The following GALNT13 variants were observed in gnomAD, a reference collection of about 807,000 sequenced individuals.
GALNT13 encodes the protein UDP-GalNAc:polypeptide N-acetylgalactosaminyltransferase 13.
Under a neutral mutation model 64.2 loss-of-function variants are expected in GALNT13, and 28 were observed. The ratio of observed to expected loss-of-function variants is 0.44; its 90% CI spans 0.32 to 0.60. GALNT13 has a LOEUF of 0.60. Ranked by LOEUF, GALNT13 falls within the 20% of genes least tolerant of loss-of-function variation. The pLI, the probability that GALNT13 is intolerant of heterozygous loss-of-function variation, is 0.05. For missense variants in GALNT13, 577 were observed against 669.8 expected, an observed-to-expected ratio of 0.86 and a Z score of 1.53; for synonymous variants, 214 against 224.6, an observed-to-expected ratio of 0.95 and a Z score of 0.42.
chr2:154,372,904 A>G (rs1472431626), intron 9 of GALNT13, among the ~76,000 whole-genome samples: 1 of 152,074 alleles, frequency 6.6e-6, no homozygotes, highest in Non-Finnish European at 1.5e-5. Context: ...CCTTTTCAAT[A>G]TGATAATTTT....
At chr2:153,072,725 T>G in the GALNT13 span, among the ~76,000 whole-genome samples, 1 of 152,198 alleles carries the variant, frequency 6.6e-6, no homozygotes, top group Non-Finnish European at 1.5e-5. Flanking sequence ...TAAATATACA[T>G]TGCTAGGGCT....
chr2:153,323,640 C>T, the GALNT13 span, among the ~76,000 whole-genome samples: 1,372 of 152,134 alleles, frequency 9.0e-3, 25 homozygotes, highest in East Asian at 0.084. Context: ...TTTAAGTCTT[C>T]AATCCATCTT....
At chr2:153,382,368 A>G in the GALNT13 span, among the ~76,000 whole-genome samples, 3 of 151,960 alleles carry the variant, frequency 2.0e-5, no homozygotes, top group African/African-American at 7.2e-5. Context: ...TATTGTTGCC[A>G]TCTTTATGTT....
In GALNT13 at chr2:154,388,548, A is replaced by G. The variant is rs571604011; in HGVS notation, c.1157-7443A>G. Among the ~76,000 whole-genome samples, 3 of 152,144 alleles carry G rather than the reference A, an allele frequency of 2.0e-5. No homozygotes were observed. The East Asian group carries it at 5.8e-4, about 29-fold the overall frequency. On this transcript the variant is annotated intron_variant, in intron 9 of 12. Coordinates refer to ENST00000392825, the MANE Select transcript of GALNT13 (RefSeq NM_052917.4). ...AAATTTAAAATTTTAATCCATTTTG[A>G]TTTGATTTTTATATTTGGTATAAGA...
the GALNT13 span, among the ~76,000 whole-genome samples, chr2:153,836,463 C>A: frequency 6.6e-6 from 1 of 151,600 alleles, no homozygotes; most frequent in African/African-American, 2.4e-5. Flanking sequence ...CAGAAATTCT[C>A]TTATTTCCTC....
chr2:153,246,363 T>C, the GALNT13 span, among the ~76,000 whole-genome samples: 1 of 151,834 alleles, frequency 6.6e-6, no homozygotes, highest in Non-Finnish European at 1.5e-5. Context: ...TCTGAAAGGG[T>C]GAAACAAACG....
upstream of GALNT13, among the ~76,000 whole-genome samples, chr2:153,867,560 G>T (rs920596710): frequency 5.3e-5 from 8 of 152,072 alleles, no homozygotes; most frequent in Admixed American, 1.3e-4. Flanking sequence ...GACTGGGAGA[G>T]GGGATGGTTT....
At chr2:154,005,418 CT>C (rs1418826494) in intron 3 of GALNT13, among the ~76,000 whole-genome samples, 1 of 151,944 alleles carries the variant, frequency 6.6e-6, no homozygotes, top group Non-Finnish European at 1.5e-5. Context: ...TTTTAAATAC[CT>C]TAAAAAATTC....
At chr2:153,178,744 T>G in the GALNT13 span, among the ~76,000 whole-genome samples, 7 of 145,496 alleles carry the variant, frequency 4.8e-5, no homozygotes, top group Non-Finnish European at 1.1e-4. Context: ...TTTTTTTTTT[T>G]TTTTTTTTTG....
intron 11 of GALNT13, among the ~76,000 whole-genome samples, chr2:154,417,804 G>A (rs1159315330): frequency 1.3e-5 from 2 of 151,914 alleles, no homozygotes; most frequent in Non-Finnish European, 2.9e-5. Flanking sequence ...GAGCCACCGC[G>A]CCCGGCCACT....
chr2:154,023,264 G>C (rs9713928), intron 3 of GALNT13, among the ~76,000 whole-genome samples: 1 of 152,090 alleles, frequency 6.6e-6, no homozygotes, highest in Non-Finnish European at 1.5e-5. Context: ...TTTCTGTCTC[G>C]TTTATCTGTC....
chr2:153,524,358 A>G, the GALNT13 span, among the ~76,000 whole-genome samples: 1 of 150,688 alleles, frequency 6.6e-6, no homozygotes, highest in Non-Finnish European at 1.5e-5. Context: ...AGATGGCAGA[A>G]TAGAAGGCTC....
chr2:153,325,952 G>A, the GALNT13 span, among the ~76,000 whole-genome samples: 1 of 152,162 alleles, frequency 6.6e-6, no homozygotes, highest in Admixed American at 6.6e-5. Context: ...GTTATGTGGT[G>A]CGGAGAAGAA....
chr2:153,684,891 G>A, the GALNT13 span, among the ~76,000 whole-genome samples: 20 of 151,822 alleles, frequency 1.3e-4, no homozygotes, highest in African/African-American at 4.6e-4. Context: ...AATTGTGAGT[G>A]TGAACACGCA....
At chr2:154,432,990 A>G (rs568574649) in intron 11 of GALNT13, among the ~76,000 whole-genome samples, 1 of 152,286 alleles carries the variant, frequency 6.6e-6, no homozygotes, top group East Asian at 1.9e-4. Flanking sequence ...AGCTTCCAGT[A>G]AGAGGAGGAT....
chr2:153,913,120 T>C (rs961915994), intron 2 of GALNT13, among the ~76,000 whole-genome samples: 5 of 152,154 alleles, frequency 3.3e-5, no homozygotes, highest in African/African-American at 1.2e-4. Context: ...CCTCTATGCA[T>C]GTTCACACTG....
chr2:153,152,537 A>T, the GALNT13 span, among the ~76,000 whole-genome samples: 2 of 151,620 alleles, frequency 1.3e-5, no homozygotes, highest in Non-Finnish European at 3.0e-5. Context: ...CCTAGTACCC[A>T]TTAGTATCCT....
chr2:153,474,113 C>G, the GALNT13 span, among the ~76,000 whole-genome samples: 1 of 151,588 alleles, frequency 6.6e-6, no homozygotes, highest in Admixed American at 6.6e-5. Context: ...GAGCACTTGT[C>G]TTTTGTGAGA....
the GALNT13 span, among the ~76,000 whole-genome samples, chr2:153,680,613 C>T: frequency 1.3e-5 from 2 of 151,846 alleles, no homozygotes; most frequent in African/African-American, 4.8e-5. Flanking sequence ...TTGATCACAT[C>T]TGATTTAAAC....
Sources: allele counts gnomAD v4.1 joint callset (sites outside exome capture counted in the v4.1 genomes callset), GRCh38; gene constraint gnomAD v4.1.1; transcripts MANE v1.5; gene names NCBI Gene and HGNC (gene_info 2026-07-23, HGNC 2026-07-21).